The following DMRTA1 variants were observed in gnomAD, a reference collection of about 807,000 sequenced individuals.
DMRTA1 encodes the protein DMRT like family A1.
DMRTA1 carries 34 observed loss-of-function variants against 35.2 expected under a neutral mutation model. The ratio of observed to expected loss-of-function variants is 0.97; its 90% CI spans 0.74 to 1.29. DMRTA1 has a LOEUF of 1.29. Ranked by LOEUF, DMRTA1 falls within the 50% of genes most tolerant of loss-of-function variation. The probability of loss-of-function intolerance (pLI) is 0.00; values close to 1 mark genes in which losing one functional copy is unlikely to be tolerated. For missense variants in DMRTA1, 824 were observed against 644.6 expected (o/e 1.28, Z -3.01); for synonymous variants, 344 against 276.6 (o/e 1.24, Z -2.42).
Position 22,447,280 on chromosome 9 carries a change from G to T in DMRTA1, c.215G>T (p.Gly72Val), listed in dbSNP as rs993830673. The T allele has an allele frequency of 1.3e-6, 2 of 1,506,236 alleles. No individual in the cohort carries two copies. Among genetic ancestry groups the T allele is most frequent in the Non-Finnish European group, 1.8e-6 (2 of 1,133,808 alleles). The allele number at this position is 1,506,236 out of a possible 1,614,324, so 93.3% of individuals were successfully genotyped here. A position where few individuals can be genotyped will look rare whatever the true frequency, so the allele number is the denominator to read the frequency against. The change falls in exon 1 of 2, where the codon GGA becomes GTA. Residue 72 changes from glycine to valine, a missense_variant. By Grantham distance (109) the Gly-to-Val change is moderately radical. Coordinates refer to ENST00000325870, the MANE Select transcript of DMRTA1 (RefSeq NM_022160.3). ...GCCGCTGCCGCCACCTCGGGAAGCG[G>T]AGGCTGCCCGCCGGCTCCCGGGCTG... The part of the protein sequence containing the change: ...AAAAAATSGS[G>V]GCPPAPGLES...
rs758459142 is a variant in DMRTA1, at chr9:22,451,177, CAA to C, written c.783_784del (p.Ser262TyrfsTer13). The stretch of plus-strand genomic sequence containing the variant: ...TAGGTCTAATGGTGTCATTGGGAAA[CAA>C]AGTATCGGGTCATCTATTTCAGAAT... Reference protein sequence around the residue: ...SSRSNGVIGKQSIGSSISEYS... With the variant: ...SSRSNGVIGKXSIGSSISEYS... On this transcript the variant is annotated frameshift_variant, in exon 2 of 2. Coordinates refer to ENST00000325870, the MANE Select transcript of DMRTA1 (RefSeq NM_022160.3). LOFTEE classifies it high-confidence loss of function. 1 of 1,614,034 alleles carries C rather than the reference CAA, an allele frequency of 6.2e-7. No individual in the cohort carries two copies. Among genetic ancestry groups the C allele is most frequent in the Admixed American group, 1.7e-5 (1 of 60,008 alleles).
chr9:22,449,237 G>A (rs973675007), intron 1 of DMRTA1, among the ~76,000 whole-genome samples: 1 of 152,136 alleles, frequency 6.6e-6, no homozygotes, highest in Non-Finnish European at 1.5e-5. Flanking sequence ...TCATTCATTA[G>A]ACAAAGACTA....
At position 22,452,593 on chromosome 9, in the gene DMRTA1, A is replaced by C. The variant is rs547783698; in HGVS notation, c.*682A>C. The C allele has an allele frequency of 1.1e-4, 17 of 152,344 alleles. No individual in the cohort carries two copies. Among genetic ancestry groups the C allele is most frequent in the African/African-American group, 4.1e-4 (17 of 41,590 alleles). The allele number at this position is 152,344 out of a possible 1,614,324, so 9.4% of individuals were successfully genotyped here. A position where few individuals can be genotyped will look rare whatever the true frequency, so the allele number is the denominator to read the frequency against. On this transcript the variant is annotated 3_prime_UTR_variant, in exon 2 of 2. Transcript: ENST00000325870. ...GTGTCTATGAAGTAAATTTTAGGAA[A>C]TAAGACTGCGCCATCTCCTGGCCAC...
chr9:22,447,323 G>T lies in DMRTA1; in HGVS notation c.258G>T (p.Ala86=), dbSNP rs1460225226. ...PAPGLESGVG[A]VGCGYPRTPK... is the part of the protein sequence containing the mutation. ...CCGGGCTGGAGAGCGGGGTAGGCGC[G>T]GTGGGCTGCGGCTACCCGCGGACGC... is the stretch of plus-strand genomic sequence containing the variant. The change falls in exon 1 of 2, where the codon GCG becomes GCT. Residue 86 remains alanine (A), a synonymous_variant. Coordinates refer to ENST00000325870, the MANE Select transcript of DMRTA1 (RefSeq NM_022160.3). 2.0e-6 allele frequency: 3 copies of T among 1,533,288 alleles called. No homozygotes were observed. The highest frequency in any genetic ancestry group is 2.0e-5 in the Admixed American group (1 of 50,320). 95.0% of individuals were successfully genotyped at this position (1,533,288 alleles called of 1,614,324 possible).
At position 22,447,251 on chromosome 9, in the gene DMRTA1, CGCCGCCGCT is replaced by C. The variant is rs1218298615; in HGVS notation, c.193_201del (p.Ala65_Ala67del). On this transcript the variant is annotated inframe_deletion, in exon 1 of 2. Transcript: ENST00000325870. ...TTCTGCGAGCAGCGGCCGCGGCCGC[CGCCGCCGCT>C]GCCGCCACCTCGGGAAGCGGAGGCT... 3 of 1,501,722 alleles carry C rather than the reference CGCCGCCGCT, an allele frequency of 2.0e-6. No individual in the cohort carries two copies. Among genetic ancestry groups the C allele is most frequent in the Non-Finnish European group, 2.6e-6 (3 of 1,132,594 alleles). 93.0% of individuals were successfully genotyped at this position (1,501,722 alleles called of 1,614,324 possible). A position where few individuals can be genotyped will look rare whatever the true frequency, so the allele number is the denominator to read the frequency against.
In DMRTA1 at chr9:22,451,352, T is replaced by A. The variant is rs1383779896; in HGVS notation, c.956T>A (p.Leu319His). ...VKDLTATKAS[L>H]PTVSSRPRDP... The stretch of plus-strand genomic sequence containing the variant: ...GACTTGACTGCGACCAAGGCAAGCC[T>A]TCCGACAGTGTCCTCAAGACCAAGA... The change falls in exon 2 of 2, where the codon CTT (leucine) becomes CAT (histidine). Residue 319 changes from leucine (L) to histidine (H), a missense_variant. Physicochemically the swap from Leu to His is moderately conservative, Grantham distance 99. Coordinates refer to ENST00000325870, the MANE Select transcript of DMRTA1 (RefSeq NM_022160.3). The A allele has an allele frequency of 1.2e-6, 2 of 1,614,020 alleles. No individual in the cohort carries two copies. Among genetic ancestry groups the A allele is most frequent in the Admixed American group, 1.7e-5 (1 of 59,998 alleles).
Position 22,451,046 on chromosome 9 carries a change from T to G in DMRTA1, c.668-18T>G. On this transcript the variant is annotated intron_variant, in intron 1 of 1. Coordinates refer to ENST00000325870, the MANE Select transcript of DMRTA1 (RefSeq NM_022160.3). ...AAGTCTTCCCTGTATTTGATTTTTT[T>G]TTCCCCCTCTTCTCCAGAACAAAAA... 6.3e-7 allele frequency: 1 copy of G among 1,593,728 alleles called. No homozygotes were observed. Among genetic ancestry groups the G allele is most frequent in the Non-Finnish European group, 8.5e-7 (1 of 1,171,408 alleles).
Position 22,451,634 on chromosome 9 carries a change from A to T in DMRTA1, c.1238A>T (p.Gln413Leu). ...LGNKSAFSPLQTTSASYGGDS... is the reference protein window; with the variant it reads ...LGNKSAFSPLLTTSASYGGDS... Reference sequence around the variant, plus strand: ...AATAAATCAGCTTTCTCTCCTCTTCAAACTACTTCTGCTTCTTATGGAGGT... The same window carrying T: ...AATAAATCAGCTTTCTCTCCTCTTCTAACTACTTCTGCTTCTTATGGAGGT... The change falls in exon 2 of 2, where the codon CAA becomes CTA. Residue 413 changes from glutamine to leucine, a missense_variant. Coordinates refer to ENST00000325870, the MANE Select transcript of DMRTA1 (RefSeq NM_022160.3). 6.2e-7 allele frequency: 1 copy of T among 1,614,088 alleles called. No individual in the cohort carries two copies. Among genetic ancestry groups the T allele is most frequent in the Non-Finnish European group, 8.5e-7 (1 of 1,179,950 alleles).
Position 22,451,009 on chromosome 9 carries a change from C to G in DMRTA1, c.668-55C>G, listed in dbSNP as rs146478718. The G allele has an allele frequency of 1.4e-3, 2,139 of 1,548,580 alleles. 23 individuals are homozygous for G. The African/African-American group carries it at 0.026, about 18-fold the overall frequency. On this transcript the variant is annotated intron_variant, in intron 1 of 1. Transcript: ENST00000325870. Reference sequence around the variant, plus strand: ...CAGCATTATTTTTGAGTGAGCAGTACCACATTCTGGGAAGTCTTCCCTGTA... The same window carrying G: ...CAGCATTATTTTTGAGTGAGCAGTAGCACATTCTGGGAAGTCTTCCCTGTA...
Position 22,447,133 on chromosome 9 carries a change from T to A in DMRTA1, c.68T>A (p.Leu23Gln). 1 of 1,605,726 alleles carries A rather than the reference T, an allele frequency of 6.2e-7. No individual in the cohort carries two copies. Among genetic ancestry groups the A allele is most frequent in the Non-Finnish European group, 8.5e-7 (1 of 1,177,112 alleles). ...VSGRPHLAPG[L>Q]VVAAPPPPSP... ...GGCCGACCTCACTTGGCCCCTGGGC[T>A]AGTGGTGGCTGCCCCTCCGCCCCCG... The change falls in exon 1 of 2, where the codon CTA becomes CAA. Residue 23 changes from leucine (L) to glutamine (Q), a missense_variant. Transcript: ENST00000325870.
At chr9:22,450,270 G>A (rs1259826286) in intron 1 of DMRTA1, among the ~76,000 whole-genome samples, 2 of 152,216 alleles carry the variant, frequency 1.3e-5, no homozygotes, top group African/African-American at 4.8e-5. Flanking sequence ...GAGGATTTGT[G>A]TAGATTGCAA....
In DMRTA1 at chr9:22,454,374, C is replaced by T. The variant is rs1818976110; in HGVS notation, c.*2463C>T. The T allele has an allele frequency of 6.6e-6, 1 of 151,958 alleles. No individual in the cohort carries two copies. Among genetic ancestry groups the T allele is most frequent in the African/African-American group, 2.4e-5 (1 of 41,360 alleles). The allele number at this position is 151,958 out of a possible 1,614,324, so 9.4% of individuals were successfully genotyped here. On this transcript the variant is annotated 3_prime_UTR_variant, in exon 2 of 2. Transcript: ENST00000325870. ...TCCACTGACTGAAAAAAAATAAAAG[C>T]AAGTATTAGCTTAATAATTTCTTCA...
At position 22,447,870 on chromosome 9, in the gene DMRTA1, C is replaced by T. The variant is rs1818864549; in HGVS notation, c.667+138C>T. ...CTTTAAGTTTTGGGGAACTGCTCAG[C>T]AATATGGACATTAATGAGAGTGTGA... On this transcript the variant is annotated intron_variant, in intron 1 of 1. Coordinates refer to ENST00000325870, the MANE Select transcript of DMRTA1 (RefSeq NM_022160.3). The T allele has an allele frequency of 9.2e-6, 9 of 976,054 alleles. No homozygotes were observed. The South Asian group carries it at 1.5e-4, about 16-fold the overall frequency. 60.5% of individuals were successfully genotyped at this position (976,054 alleles called of 1,614,324 possible). A position where few individuals can be genotyped will look rare whatever the true frequency, so the allele number is the denominator to read the frequency against.
Position 22,451,102 on chromosome 9 carries a change from C to G in DMRTA1, c.706C>G (p.Gln236Glu), listed in dbSNP as rs1563826280. The G allele has an allele frequency of 1.2e-6, 2 of 1,613,616 alleles. No homozygotes were observed. The highest frequency in any genetic ancestry group is 2.2e-5 in the East Asian group (1 of 44,878). Residue 236 changes from glutamine to glutamate, a missense_variant, in exon 2 of 2, where the codon CAA becomes GAA. Physicochemically the swap from Gln to Glu is conservative, Grantham distance 29. Transcript: ENST00000325870. ...TAAATGTGAGTCATGCCAGAATGGACAAGAAGAACTGATCTCCAAATCCCA... is the reference window on the plus strand; with the variant it reads ...TAAATGTGAGTCATGCCAGAATGGAGAAGAAGAACTGATCTCCAAATCCCA... ...ESKCESCQNG[Q>E]EELISKSHQL...
At position 22,452,757 on chromosome 9, in the gene DMRTA1, T is replaced by C. The variant is rs1261242253; in HGVS notation, c.*846T>C. The C allele has an allele frequency of 6.6e-6, 1 of 152,140 alleles. No homozygotes were observed. The allele number at this position is 152,140 out of a possible 1,614,324, so 9.4% of individuals were successfully genotyped here. Reference sequence around the variant, plus strand: ...CATACTGTAAAGTGCACATCTACTGTGGATGAGAGTTGCAGTCTTTAAGTG... The same window carrying C: ...CATACTGTAAAGTGCACATCTACTGCGGATGAGAGTTGCAGTCTTTAAGTG... On this transcript the variant is annotated 3_prime_UTR_variant, in exon 2 of 2. Coordinates refer to ENST00000325870, the MANE Select transcript of DMRTA1 (RefSeq NM_022160.3).
chr9:22,451,054 T>A lies in DMRTA1; in HGVS notation c.668-10T>A. The A allele has an allele frequency of 6.2e-7, 1 of 1,601,800 alleles. No homozygotes were observed. The highest frequency in any genetic ancestry group is 2.2e-5 in the East Asian group (1 of 44,744). On this transcript the variant is annotated splice_polypyrimidine_tract_variant and intron_variant, in intron 1 of 1. Transcript: ENST00000325870. ...CCTGTATTTGATTTTTTTTTCCCCC[T>A]CTTCTCCAGAACAAAAAGAGAGTAA...
rs1427072564 is a variant in DMRTA1, at chr9:22,447,403, A to G, written c.338A>G (p.Lys113Arg). ...GTGGTGTCAGCGCTCAAGGGCCACAAGCGCTTCTGCCGCTGGCGGGACTGC... is the reference window on the plus strand; with the variant it reads ...GTGGTGTCAGCGCTCAAGGGCCACAGGCGCTTCTGCCGCTGGCGGGACTGC... ...HGVVSALKGH[K>R]RFCRWRDCAC... is the part of the protein sequence containing the mutation. Residue 113 changes from lysine (K) to arginine (R), a missense_variant, in exon 1 of 2, where the codon AAG becomes AGG. Transcript: ENST00000325870. 2 of 1,554,430 alleles carry G rather than the reference A, an allele frequency of 1.3e-6. No homozygotes were observed. The highest frequency in any genetic ancestry group is 1.7e-6 in the Non-Finnish European group (2 of 1,151,598).
At position 22,451,692 on chromosome 9, in the gene DMRTA1, A is replaced by T; in HGVS notation, c.1296A>T (p.Val432=). Residue 432 remains valine, a synonymous_variant, in exon 2 of 2, where the codon GTA becomes GTT. Transcript: ENST00000325870. ...DSSLYGVNPR[V]GISPLRLAYS... is the part of the protein sequence containing the mutation. ...GTCTCTACGGCGTAAATCCTAGAGT[A>T]GGTATCAGTCCATTAAGGCTGGCAT... 1 of 1,614,148 alleles carries T rather than the reference A, an allele frequency of 6.2e-7. No individual in the cohort carries two copies. Among genetic ancestry groups the T allele is most frequent in the Non-Finnish European group, 8.5e-7 (1 of 1,179,966 alleles).
Position 22,452,038 on chromosome 9 carries a change from C to A in DMRTA1, c.*127C>A. On this transcript the variant is annotated 3_prime_UTR_variant, in exon 2 of 2. Transcript: ENST00000325870. ...GAGTGGATTATGAGGTCTTAAAATGCTGGGTTTTTTTTTTTTCAAGCAATA... is the reference window on the plus strand; with the variant it reads ...GAGTGGATTATGAGGTCTTAAAATGATGGGTTTTTTTTTTTTCAAGCAATA... The A allele has an allele frequency of 9.8e-7, 1 of 1,023,604 alleles. No individual in the cohort carries two copies. Among genetic ancestry groups the A allele is most frequent in the Non-Finnish European group, 1.3e-6 (1 of 778,542 alleles). 63.4% of individuals were successfully genotyped at this position (1,023,604 alleles called of 1,614,324 possible). A position where few individuals can be genotyped will look rare whatever the true frequency, so the allele number is the denominator to read the frequency against.
Sources: allele counts gnomAD v4.1 joint callset (sites outside exome capture counted in the v4.1 genomes callset), GRCh38; gene constraint gnomAD v4.1.1; transcripts MANE v1.5; gene names NCBI Gene and HGNC (gene_info 2026-07-23, HGNC 2026-07-21).